APBA2: variants seen among roughly 807,000 people sequenced by gnomAD.
APBA2 encodes the protein amyloid beta precursor protein binding family A member 2.
A neutral mutation model predicts 75.0 loss-of-function variants in APBA2; 30 were observed. The ratio of observed to expected loss-of-function variants is 0.40; its 90% CI spans 0.30 to 0.54. APBA2 has a LOEUF of 0.54. Among genes scored for constraint, APBA2 ranks in the 20% least tolerant of loss-of-function variants. The probability of loss-of-function intolerance (pLI) is 0.49; values close to 1 mark genes in which losing one functional copy is unlikely to be tolerated. For synonymous variants in APBA2, 444 were observed against 409.6 expected (o/e 1.08, Z -1.01); for missense variants, 801 against 1,016.1 (o/e 0.79, Z 2.88).
intron 3 of APBA2, among the ~76,000 whole-genome samples, chr15:29,015,855 AG>A (rs2039633121): frequency 1.3e-5 from 2 of 152,220 alleles, no homozygotes; most frequent in Admixed American, 1.3e-4. Context: ...GACCCGGGGC[AG>A]ATCCTTGCAG....
At chr15:28,959,188 C>T (rs763542468) in intron 2 of APBA2, among the ~76,000 whole-genome samples, 2 of 152,158 alleles carry the variant, frequency 1.3e-5, no homozygotes, top group African/African-American at 4.8e-5. Flanking sequence ...GGGGTTTCAC[C>T]ATGTTGGCCA....
chr15:29,093,256 C>T (rs207475357), intron 7 of APBA2, 36 bp downstream of exon 7: 1 of 1,612,426 alleles, frequency 6.2e-7, no homozygotes, highest in South Asian at 1.1e-5. Context: ...CGGATGCCCG[C>T]ACACTTTGGG....
intron 9 of APBA2, 59 bp downstream of exon 9, chr15:29,098,635 G>C (rs894027243): frequency 1.1e-5 from 15 of 1,391,458 alleles, no homozygotes; most frequent in Non-Finnish European, 1.4e-5. Context: ...ACTCCTTCTT[G>C]TCCCATGGTA....
chr15:28,887,475 G>A (rs1473837559), intron 1 of APBA2, among the ~76,000 whole-genome samples: 2 of 152,164 alleles, frequency 1.3e-5, no homozygotes, highest in East Asian at 3.9e-4. Flanking sequence ...CAGGCCTCTG[G>A]GTCAGGGTCC....
At chr15:28,996,982 G>C (rs1245999404) in intron 3 of APBA2, among the ~76,000 whole-genome samples, 1 of 152,144 alleles carries the variant, frequency 6.6e-6, no homozygotes, top group Admixed American at 6.5e-5. Flanking sequence ...TTTCTTCCAG[G>C]GCAGCACAAG....
At position 28,972,536 on chromosome 15, in the gene APBA2, T is replaced by C. The variant is rs560593386; in HGVS notation, c.-94-23217T>C. 3.9e-5 allele frequency among the ~76,000 whole-genome samples: 6 copies of C among 152,324 alleles called. No homozygotes were observed. The South Asian group carries it at 6.2e-4, about 16-fold the overall frequency. ...TATGCAAAGTCTGGTGTCAGACTTA[T>C]AACAACAACAAAGAAAGCAAGACAG... On this transcript the variant is annotated intron_variant, in intron 2 of 14. Transcript: ENST00000683413.
At chr15:29,050,413 A>C (rs553373613) in intron 3 of APBA2, among the ~76,000 whole-genome samples, 1 of 152,332 alleles carries the variant, frequency 6.6e-6, no homozygotes, top group East Asian at 1.9e-4. Flanking sequence ...AAGAGAAAGA[A>C]ATGCAAAAAG....
chr15:29,085,143 TC>T (rs1439767313), intron 6 of APBA2, among the ~76,000 whole-genome samples: 1 of 152,216 alleles, frequency 6.6e-6, no homozygotes, highest in Non-Finnish European at 1.5e-5. Context: ...AGAGAAACTT[TC>T]CCTCAAGTAT....
rs530787277 is a variant in APBA2 at position 29,060,961 on chromosome 15, T to C, written c.951+6126T>C. 8.5e-5 allele frequency among the ~76,000 whole-genome samples: 13 copies of C among 152,278 alleles called. No individual in the cohort carries two copies. The East Asian group carries it at 2.5e-3, about 29-fold the overall frequency. On this transcript the variant is annotated intron_variant, in intron 4 of 14. Transcript: ENST00000683413. ...CTGGGCACTGGTACCTGGCTCAGTC[T>C]CACAGCTCCAGGGATGAGCCTGTGG...
chr15:28,972,665 C>T (rs1014686400), intron 2 of APBA2, among the ~76,000 whole-genome samples: 2 of 152,152 alleles, frequency 1.3e-5, no homozygotes, highest in African/African-American at 2.4e-5. Context: ...AAATATTGTG[C>T]CCACCAGGCA....
intron 7 of APBA2, 121 bp from the exon 8 acceptor site, chr15:29,094,157 G>T: frequency 9.5e-7 from 1 of 1,049,770 alleles, no homozygotes; most frequent in Non-Finnish European, 1.5e-6. Flanking sequence ...ACCCGTCCCT[G>T]CTGGGCTTTG....
chr15:28,970,007 G>A (rs2036981187), intron 2 of APBA2, among the ~76,000 whole-genome samples: 1 of 152,174 alleles, frequency 6.6e-6, no homozygotes. Flanking sequence ...TGTTCAAGGT[G>A]ATACATGATT....
In APBA2 at chr15:29,094,381, T is replaced by TG. The variant is rs141284660; in HGVS notation, c.1251+73dup. Reference sequence around the variant, plus strand: ...TGTTTCCGTGGCTTGTCCTGGGCAGTGGGGGCTGGGGGGTTCCCCTGGGGA... The same window carrying TG: ...TGTTTCCGTGGCTTGTCCTGGGCAGTGGGGGGCTGGGGGGTTCCCCTGGGGA... On this transcript the variant is annotated intron_variant, in intron 8 of 14. Transcript: ENST00000683413. 10,025 of 1,472,198 alleles carry TG rather than the reference T, an allele frequency of 6.8e-3. 40 individuals carry two copies. The highest frequency in any genetic ancestry group is 0.018 in the Middle Eastern group (104 of 5,754). 91.2% of individuals were successfully genotyped at this position (1,472,198 alleles called of 1,614,324 possible).
intron 2 of APBA2, among the ~76,000 whole-genome samples, chr15:28,947,297 G>A (rs936177542): frequency 6.6e-5 from 10 of 152,182 alleles, no homozygotes; most frequent in African/African-American, 2.4e-4. Context: ...GGCACTGAGG[G>A]CTGCTCCCCA....
chr15:29,051,472 G>A (rs191399600), intron 3 of APBA2, among the ~76,000 whole-genome samples: 13 of 152,138 alleles, frequency 8.5e-5, no homozygotes, highest in African/African-American at 2.4e-4. Flanking sequence ...TGCAGGTGGC[G>A]GAGTAAACAT....
intron 13 of APBA2, 110 bp downstream of exon 13, chr15:29,108,499 G>C (rs555311333): frequency 6.4e-7 from 1 of 1,563,318 alleles, no homozygotes; most frequent in African/African-American, 1.4e-5. Flanking sequence ...GTAGGACCTG[G>C]CCTGTGGTTG....
intron 4 of APBA2, among the ~76,000 whole-genome samples, chr15:29,070,413 G>C (rs2042567434): frequency 6.6e-6 from 1 of 152,186 alleles, no homozygotes; most frequent in African/African-American, 2.4e-5. Flanking sequence ...AGTACAGACT[G>C]ACTGGCTGTT....
At chr15:28,974,481 T>C (rs1438489891) in intron 2 of APBA2, among the ~76,000 whole-genome samples, 1 of 152,168 alleles carries the variant, frequency 6.6e-6, no homozygotes, top group East Asian at 1.9e-4. Flanking sequence ...TAATAGGGAA[T>C]ACAACTTTGT....
At chr15:28,960,147 T>TG (rs2036387275) in intron 2 of APBA2, among the ~76,000 whole-genome samples, 1 of 80,310 alleles carries the variant, frequency 1.2e-5, no homozygotes, top group Non-Finnish European at 2.6e-5. Context: ...AGACCTTGTT[T>TG]CAAAAAAAAA....
Sources: allele counts gnomAD v4.1 joint callset (sites outside exome capture counted in the v4.1 genomes callset), GRCh38; gene constraint gnomAD v4.1.1; transcripts MANE v1.5; gene names NCBI Gene and HGNC (gene_info 2026-07-23, HGNC 2026-07-21).